The following EFHC1 variants were observed in gnomAD, a reference collection of about 807,000 sequenced individuals.
EFHC1 encodes the protein EF-hand domain containing 1.
In EFHC1, 53 loss-of-function variants were observed where a neutral mutation model predicts 69.9. That is an observed-to-expected ratio of 0.76 (90% CI 0.61 to 0.95). The LOEUF (loss-of-function observed/expected upper bound fraction) is 0.95. Among genes scored for constraint, EFHC1 ranks in the 40% least tolerant of loss-of-function variants. The pLI, the probability that EFHC1 is intolerant of heterozygous loss-of-function variation, is 0.00. For synonymous variants in EFHC1, 256 were observed against 278.4 expected, an observed-to-expected ratio of 0.92 and a Z score of 0.80; for missense variants, 739 against 798.7, an observed-to-expected ratio of 0.93 and a Z score of 0.90.
intron 9 of EFHC1, among the ~76,000 whole-genome samples, chr6:52,481,172 T>C (rs1421907709): frequency 6.6e-6 from 1 of 152,046 alleles, no homozygotes; most frequent in Non-Finnish European, 1.5e-5. Flanking sequence ...GTAGCACCAA[T>C]TGGACTTCAG....
intron 9 of EFHC1, chr6:52,485,499 G>C (rs1352619616): frequency 6.6e-6 from 1 of 152,050 alleles, no homozygotes; most frequent in African/African-American, 2.4e-5. Flanking sequence ...GGTTTGTTTG[G>C]CCCCATGAAG....
intron 9 of EFHC1, among the ~76,000 whole-genome samples, chr6:52,480,917 G>A (rs939496675): frequency 2.0e-5 from 3 of 151,416 alleles, no homozygotes; most frequent in Non-Finnish European, 4.4e-5. Context: ...TCTTTGGAAA[G>A]GTGCTGGCTT....
At position 52,445,919 on chromosome 6, in the gene EFHC1, G is replaced by C. The variant is rs1764774291; in HGVS notation, c.574-6769G>C. On this transcript the variant is annotated intron_variant, in intron 3 of 10. Coordinates refer to ENST00000371068, the MANE Select transcript of EFHC1 (RefSeq NM_018100.4). The stretch of plus-strand genomic sequence containing the variant: ...TTCTAGTTTGATTGCACTGTGGTCT[G>C]AGAGACAGTTTTATATAATTTCTGT... Among the ~76,000 whole-genome samples, 4 of 152,212 alleles carry C rather than the reference G, an allele frequency of 2.6e-5. No individual in the cohort carries two copies. The South Asian group carries it at 6.2e-4, about 24-fold the overall frequency.
chr6:52,424,153 G>A lies in EFHC1; in HGVS notation c.271G>A (p.Ala91Thr). The change falls in exon 2 of 11, where the codon GCC (alanine) becomes ACC (threonine). Residue 91 changes from alanine to threonine, a missense_variant. Transcript: ENST00000371068. ...PPADFIPAHVAFDKKVLKFDA... is the reference protein window; with the variant it reads ...PPADFIPAHVTFDKKVLKFDA... ...TGCGGATTTTATTCCTGCGCATGTGGCCTTTGACAAAAAGGTATCATCTGG... is the reference window on the plus strand; with the variant it reads ...TGCGGATTTTATTCCTGCGCATGTGACCTTTGACAAAAAGGTATCATCTGG... The A allele has an allele frequency of 6.2e-7, 1 of 1,613,902 alleles. No homozygotes were observed. The highest frequency in any genetic ancestry group is 8.5e-7 in the Non-Finnish European group (1 of 1,179,880).
intron 9 of EFHC1, among the ~76,000 whole-genome samples, chr6:52,481,152 T>C (rs1170464574): frequency 2.6e-5 from 4 of 152,082 alleles, no homozygotes; most frequent in African/African-American, 9.7e-5. Flanking sequence ...GATTTGGATG[T>C]ATTTTGAAGG....
Position 52,494,777 on chromosome 6 carries a change from A to C in EFHC1, c.*2436A>C, listed in dbSNP as rs771364024. ...TGTATTCAATGTTTAGCTCCCACTT[A>C]GAAGTAAGAACATGCAATATTTGGT... On this transcript the variant is annotated 3_prime_UTR_variant, in exon 11 of 11. Coordinates refer to ENST00000371068, the MANE Select transcript of EFHC1 (RefSeq NM_018100.4). The C allele has an allele frequency of 1.5e-5, 7 of 451,882 alleles. No individual in the cohort carries two copies. The highest frequency in any genetic ancestry group is 6.8e-4 in the Middle Eastern group (1 of 1,462). 28.0% of individuals were successfully genotyped at this position (451,882 alleles called of 1,614,324 possible).
intron 1 of EFHC1, 33 bp downstream of exon 1, chr6:52,420,506 C>T (rs761199930): frequency 1.2e-6 from 2 of 1,613,864 alleles, no homozygotes; most frequent in Non-Finnish European, 1.7e-6. Context: ...CCCACCTGTC[C>T]CCACCTTCCA....
chr6:52,452,220 C>T (rs555243369), intron 3 of EFHC1, among the ~76,000 whole-genome samples: 1 of 152,356 alleles, frequency 6.6e-6, no homozygotes, highest in African/African-American at 2.4e-5. Flanking sequence ...CAGTTGGAGA[C>T]TTAATACAGC....
intron 5 of EFHC1, among the ~76,000 whole-genome samples, chr6:52,463,078 A>C (rs1434926961): frequency 6.6e-6 from 1 of 151,394 alleles, no homozygotes; most frequent in Non-Finnish European, 1.5e-5. Flanking sequence ...CCCAGGCTGG[A>C]GTGCAGTGGC....
At chr6:52,473,123 T>C (rs927757874) in intron 7 of EFHC1, among the ~76,000 whole-genome samples, 1 of 152,142 alleles carries the variant, frequency 6.6e-6, no homozygotes, top group African/African-American at 2.4e-5. Flanking sequence ...TGGATTTTGC[T>C]CACAAAAATA....
intron 4 of EFHC1, chr6:52,453,129 A>G: frequency 7.1e-7 from 1 of 1,401,650 alleles, no homozygotes; most frequent in East Asian, 3.6e-5. Flanking sequence ...TTCCCACCTT[A>G]CGTTTCCAAT....
chr6:52,489,841 A>G (rs1307195597), intron 9 of EFHC1, among the ~76,000 whole-genome samples: 1 of 152,244 alleles, frequency 6.6e-6, no homozygotes, highest in Non-Finnish European at 1.5e-5. Context: ...ATTCTCACAG[A>G]TACCAAATTT....
intron 6 of EFHC1, among the ~76,000 whole-genome samples, chr6:52,466,910 G>A (rs1460066361): frequency 1.3e-5 from 2 of 152,130 alleles, no homozygotes; most frequent in African/African-American, 2.4e-5. Flanking sequence ...TATCAATGAT[G>A]TGTTCATTGA....
intron 7 of EFHC1, among the ~76,000 whole-genome samples, chr6:52,474,309 C>T (rs768262345): frequency 9.9e-5 from 15 of 152,060 alleles, no homozygotes; most frequent in South Asian, 2.1e-4. Context: ...GAGACTCTGT[C>T]TTTAAAAATA....
At chr6:52,437,988 AT>A (rs1194187302) in intron 2 of EFHC1, among the ~76,000 whole-genome samples, 1 of 152,210 alleles carries the variant, frequency 6.6e-6, no homozygotes, top group Non-Finnish European at 1.5e-5. Flanking sequence ...TTACATAATT[AT>A]TTGTGGATTG....
chr6:52,462,389 G>T (rs1415713543), intron 5 of EFHC1, among the ~76,000 whole-genome samples: 2 of 151,436 alleles, frequency 1.3e-5, no homozygotes, highest in Non-Finnish European at 1.5e-5. Flanking sequence ...GAAATCTAAA[G>T]AATTTAAAAA....
At position 52,494,547 on chromosome 6, in the gene EFHC1, T is replaced by G; in HGVS notation, c.*2206T>G. ...AATGTGGGGCCAGGTCTGAGTGACA[T>G]GTGCCGAAAGGCTGACTCTTTCTCC... On this transcript the variant is annotated 3_prime_UTR_variant, in exon 11 of 11. Transcript: ENST00000371068. 1 of 454,128 alleles carries G rather than the reference T, an allele frequency of 2.2e-6. No individual in the cohort carries two copies. The highest frequency in any genetic ancestry group is 4.4e-6 in the Non-Finnish European group (1 of 226,790). The allele number at this position is 454,128 out of a possible 1,614,324, so 28.1% of individuals were successfully genotyped here.
rs1479837561 is a variant in EFHC1 at position 52,496,308 on chromosome 6, A to AT, written c.*3968dup. 2 of 152,814 alleles carry AT rather than the reference A, an allele frequency of 1.3e-5. No homozygotes were observed. The highest frequency in any genetic ancestry group is 2.1e-4 in the South Asian group (1 of 4,830). 9.5% of individuals were successfully genotyped at this position (152,814 alleles called of 1,614,324 possible). On this transcript the variant is annotated 3_prime_UTR_variant, in exon 11 of 11. Transcript: ENST00000371068. ...CTGAAGCATTTGACTAAGACTGCTTATAGTGCTTACGGCTTTGGGACTAAT... is the reference window on the plus strand; with the variant it reads ...CTGAAGCATTTGACTAAGACTGCTTATTAGTGCTTACGGCTTTGGGACTAAT...
intron 10 of EFHC1, chr6:52,490,663 A>C (rs936935910): frequency 2.5e-5 from 14 of 560,626 alleles, no homozygotes; most frequent in African/African-American, 2.2e-4. Context: ...GGGGAGACTC[A>C]AAGATAAGTT....
Sources: allele counts gnomAD v4.1 joint callset (sites outside exome capture counted in the v4.1 genomes callset), GRCh38; gene constraint gnomAD v4.1.1; transcripts MANE v1.5; gene names NCBI Gene and HGNC (gene_info 2026-07-23, HGNC 2026-07-21).